Variants in SLC2A9 observed in about 807,000 individuals in gnomAD.
SLC2A9 encodes solute carrier family 2, facilitated glucose transporter member 9.
In SLC2A9, 39 loss-of-function variants were observed where a neutral mutation model predicts 50.6. That is an observed-to-expected ratio of 0.77 (90% CI 0.60 to 1.01). The LOEUF (loss-of-function observed/expected upper bound fraction) is 1.01. Ranked by LOEUF, SLC2A9 falls within the 50% of genes least tolerant of loss-of-function variation. The probability of loss-of-function intolerance (pLI) is 0.00; values close to 1 mark genes in which losing one functional copy is unlikely to be tolerated. For synonymous variants in SLC2A9, 324 were observed against 276.9 expected (o/e 1.17, Z -1.69); for missense variants, 686 against 677.6 (o/e 1.01, Z -0.14).
chr4:10,026,623 T>C (rs1763762082), intron 1 of SLC2A9, among the ~76,000 whole-genome samples: 1 of 152,150 alleles, frequency 6.6e-6, no homozygotes, highest in Admixed American at 6.5e-5. Context: ...TGTCCTCCAA[T>C]GAATGAATGA....
chr4:10,037,211 G>C (rs1426130250), intron 1 of SLC2A9, among the ~76,000 whole-genome samples: 3 of 152,076 alleles, frequency 2.0e-5, no homozygotes, highest in African/African-American at 4.8e-5. Context: ...TCTAATTTTG[G>C]AGCATTGTCA....
At chr4:9,989,642 C>A (rs1382691113) in intron 3 of SLC2A9, among the ~76,000 whole-genome samples, 1 of 152,074 alleles carries the variant, frequency 6.6e-6, no homozygotes, top group Non-Finnish European at 1.5e-5. Flanking sequence ...GGCTCTGAGA[C>A]CCCCTGATAA....
chr4:9,872,727 AAC>A (rs1444042707), intron 10 of SLC2A9, among the ~76,000 whole-genome samples: 2 of 152,180 alleles, frequency 1.3e-5, no homozygotes, highest in East Asian at 3.8e-4. Context: ...AAGGAACAAC[AAC>A]AAAAAAAACA....
In SLC2A9 at chr4:9,792,277, G is replaced by A. The variant is rs1720031228; in HGVS notation, n.386-12212C>T. Among the ~76,000 whole-genome samples the A allele has an allele frequency of 3.4e-5, 5 of 145,708 alleles. No individual in the cohort carries two copies. The Admixed American group carries it at 3.6e-4, about 10-fold the overall frequency. ...CTGCAGCCTTAAACTCTTGGGCTCT[G>A]GTGATCCTCCTGCTACAGCCTCCCA... On this transcript the variant is annotated intron_variant and non_coding_transcript_variant, in intron 3 of 3. Transcript: ENST00000503803.
At chr4:9,958,576 C>T (rs1162197399) in intron 5 of SLC2A9, among the ~76,000 whole-genome samples, 2 of 152,126 alleles carry the variant, frequency 1.3e-5, no homozygotes, top group African/African-American at 4.8e-5. Context: ...ACCACTATGG[C>T]ACATGTATAC....
At chr4:9,771,860 C>A (rs374015639) in intron 1 of SLC2A9, among the ~76,000 whole-genome samples, 1 of 152,198 alleles carries the variant, frequency 6.6e-6, no homozygotes, top group Admixed American at 6.5e-5. Context: ...ACATTTCAGA[C>A]AGGGGCAAGT....
chr4:9,802,559 CTTTTTTTT>C (rs1238703528), intron 3 of SLC2A9, among the ~76,000 whole-genome samples: 1 of 127,036 alleles, frequency 7.9e-6, no homozygotes, highest in Admixed American at 8.2e-5. Flanking sequence ...TTGTTCTTTT[CTTTTTTTT>C]TTTTTTTTTT....
At chr4:9,833,613 T>C (rs902325017) in intron 11 of SLC2A9, among the ~76,000 whole-genome samples, 3 of 152,202 alleles carry the variant, frequency 2.0e-5, no homozygotes, top group East Asian at 1.9e-4. Context: ...ACAGCCACCA[T>C]GCTGGGGTGG....
chr4:9,889,754 C>T (rs1346779089), intron 9 of SLC2A9, among the ~76,000 whole-genome samples: 2 of 152,210 alleles, frequency 1.3e-5, no homozygotes, highest in East Asian at 3.8e-4. Flanking sequence ...TCAATTGCTG[C>T]AACCTTGCTT....
chr4:9,911,286 G>A (rs372155844), intron 7 of SLC2A9, among the ~76,000 whole-genome samples: 10 of 151,944 alleles, frequency 6.6e-5, no homozygotes, highest in Admixed American at 3.9e-4. Context: ...TGTCTGCCCC[G>A]GGGCAGACCT....
At chr4:9,988,678 T>G (rs1256818738) in intron 3 of SLC2A9, among the ~76,000 whole-genome samples, 1 of 152,196 alleles carries the variant, frequency 6.6e-6, no homozygotes, top group African/African-American at 2.4e-5. Context: ...GATGCCTGAT[T>G]CATTGTTTTT....
At chr4:9,978,948 A>T (rs1306054816) in intron 5 of SLC2A9, among the ~76,000 whole-genome samples, 1 of 152,250 alleles carries the variant, frequency 6.6e-6, no homozygotes, top group African/African-American at 2.4e-5. Flanking sequence ...AAAATGGAAT[A>T]CAGTGATTCC....
At position 9,945,192 on chromosome 4, in the gene SLC2A9, G is replaced by C. The variant is rs182760630; in HGVS notation, c.682-3147C>G. Among the ~76,000 whole-genome samples the C allele has an allele frequency of 6.2e-4, 94 of 152,380 alleles. 1 individual carries two copies. The highest frequency in any genetic ancestry group is 5.4e-3 in the Admixed American group (82 of 15,310). ...TGGCTATGGGCACAGCTCTCTTGCA[G>C]GCTGTCTGGATTTGAATTCTGCCTC... On this transcript the variant is annotated intron_variant, in intron 5 of 11. Coordinates refer to ENST00000264784, the MANE Select transcript of SLC2A9 (RefSeq NM_020041.3).
At position 9,942,007 on chromosome 4, in the gene SLC2A9, G is replaced by A; in HGVS notation, c.720C>T (p.Val240=). 6.2e-7 allele frequency: 1 copy of A among 1,614,152 alleles called. No homozygotes were observed. The highest frequency in any genetic ancestry group is 8.5e-7 in the Non-Finnish European group (1 of 1,180,006). Residue 240 remains valine, a synonymous_variant, in exon 6 of 12, where the codon GTC becomes GTT. Transcript: ENST00000264784. The part of the protein sequence containing the change: ...TWPYLFGVIV[V]PAVVQLLSLP... ...GGCTCAGCAGCTGGACAACGGCAGG[G>A]ACCACAATCACTCCAAACAGGTATG...
intron 6 of SLC2A9, among the ~76,000 whole-genome samples, chr4:9,933,372 G>T (rs1336666359): frequency 1.7e-4 from 26 of 152,202 alleles, no homozygotes; most frequent in Admixed American, 1.6e-3. Context: ...CTCCTGGAAA[G>T]GGGAGGGAGG....
chr4:9,913,487 T>C (rs917737602), intron 7 of SLC2A9, among the ~76,000 whole-genome samples: 1 of 152,152 alleles, frequency 6.6e-6, no homozygotes. Flanking sequence ...AGAGAAGACC[T>C]TGCCCATTTA....
chr4:9,950,115 C>A (rs777572127), intron 5 of SLC2A9, among the ~76,000 whole-genome samples: 17 of 152,292 alleles, frequency 1.1e-4, no homozygotes, highest in African/African-American at 3.6e-4. Flanking sequence ...CACACCTGAC[C>A]CCACAGAGTA....
chr4:9,810,885 C>T (rs900034621), intron 3 of SLC2A9, among the ~76,000 whole-genome samples: 1 of 152,192 alleles, frequency 6.6e-6, no homozygotes, highest in Non-Finnish European at 1.5e-5. Flanking sequence ...TCTTTAGGCT[C>T]TCACCGCTGA....
intron 3 of SLC2A9, among the ~76,000 whole-genome samples, chr4:9,790,540 T>C (rs1175149884): frequency 6.6e-6 from 1 of 152,148 alleles, no homozygotes; most frequent in African/African-American, 2.4e-5. Flanking sequence ...GACTACAAAG[T>C]TGTATTCCAA....
Sources: gnomAD v4.1 joint callset for allele counts (sites outside exome capture counted in the v4.1 genomes callset) on GRCh38, gnomAD v4.1.1 for gene constraint, MANE v1.5 for transcripts, NCBI Gene and HGNC (gene_info 2026-07-23, HGNC 2026-07-21) for gene names.